DNM3: variants seen among roughly 807,000 people sequenced by gnomAD.
The protein encoded by DNM3 is dynamin-3.
In DNM3, 47 loss-of-function variants were observed where a neutral mutation model predicts 101.6. The ratio of observed to expected loss-of-function variants is 0.46; its 90% CI spans 0.37 to 0.59. The LOEUF (loss-of-function observed/expected upper bound fraction) is 0.59, where lower values mean the gene tolerates loss of function less well. DNM3 is among the 20% of genes least tolerant of loss of function. DNM3 has a pLI of 0.00. For missense variants in DNM3, 849 were observed against 1,085.7 expected (o/e 0.78, Z 3.06); for synonymous variants, 385 against 387.9 (o/e 0.99, Z 0.09).
At chr1:172,250,388 A>G (rs2062122549) in intron 14 of DNM3, among the ~76,000 whole-genome samples, 2 of 152,176 alleles carry the variant, frequency 1.3e-5, no homozygotes, top group South Asian at 4.1e-4. Flanking sequence ...GGATTGAGCC[A>G]ATTTGTAAGT....
chr1:172,384,141 T>C (rs1427557991), intron 18 of DNM3, among the ~76,000 whole-genome samples: 1 of 152,164 alleles, frequency 6.6e-6, no homozygotes. Context: ...GAAGTCCCCC[T>C]ACCTTCATTC....
At chr1:172,279,614 T>C (rs1030520767) in intron 15 of DNM3, among the ~76,000 whole-genome samples, 1 of 152,146 alleles carries the variant, frequency 6.6e-6, no homozygotes, top group African/African-American at 2.4e-5. Context: ...AATTAAACTC[T>C]TGGTCTTTCC....
At chr1:171,916,131 C>A (rs2039690135) in intron 1 of DNM3, among the ~76,000 whole-genome samples, 1 of 152,148 alleles carries the variant, frequency 6.6e-6, no homozygotes, top group Non-Finnish European at 1.5e-5. Flanking sequence ...TCCCCCATTT[C>A]TTTTACAATG....
intron 2 of DNM3, among the ~76,000 whole-genome samples, chr1:171,963,175 G>A (rs182039824): frequency 6.2e-4 from 95 of 152,212 alleles, no homozygotes; most frequent in African/African-American, 1.7e-3. Context: ...ATAAACTATG[G>A]TATACCCGGA....
At chr1:172,301,086 A>G (rs2586416) in intron 15 of DNM3, among the ~76,000 whole-genome samples, 96,733 of 152,144 alleles carry the variant, frequency 0.64, 33,098 homozygotes, top group African/African-American at 0.91. Context: ...AGGCATAAAT[A>G]AGCACAACTT....
intron 14 of DNM3, among the ~76,000 whole-genome samples, chr1:172,233,888 T>A (rs892000446): frequency 6.6e-6 from 1 of 152,192 alleles, no homozygotes; most frequent in Non-Finnish European, 1.5e-5. Flanking sequence ...ATGGGACGTA[T>A]CTCAAAATAA....
intron 14 of DNM3, among the ~76,000 whole-genome samples, chr1:172,190,267 G>T (rs1260672540): frequency 1.3e-5 from 2 of 152,010 alleles, no homozygotes; most frequent in African/African-American, 4.8e-5. Flanking sequence ...GCGGTGTTTG[G>T]TTTTCTGTCC....
intron 14 of DNM3, among the ~76,000 whole-genome samples, chr1:172,247,670 T>TATTTA (rs2062010094): frequency 2.0e-5 from 3 of 150,564 alleles, no homozygotes; most frequent in African/African-American, 4.9e-5. Flanking sequence ...TTTATTTATT[T>TATTTA]ATTTATTTAT....
rs2056504208 is a variant in DNM3, at chr1:172,124,399, C to CTGCAAAT, written c.1546-6775_1546-6774insGCAAATT. On this transcript the variant is annotated intron_variant, in intron 13 of 20. Coordinates refer to ENST00000627582, the MANE Select transcript of DNM3 (RefSeq NM_015569.5). ...ATTCAGGAATTTGCAGGGACCACAGCTCCAGTTACCCACCAGGATATTTTT... is the reference window on the plus strand; with the variant it reads ...ATTCAGGAATTTGCAGGGACCACAGCTGCAAATTCCAGTTACCCACCAGGATATTTTT... 3.3e-5 allele frequency among the ~76,000 whole-genome samples: 5 copies of CTGCAAAT among 152,224 alleles called. 1 individual carries two copies. The highest frequency in any genetic ancestry group is 3.3e-4 in the Admixed American group (5 of 15,282).
intron 14 of DNM3, among the ~76,000 whole-genome samples, chr1:172,225,579 T>A (rs1322865889): frequency 2.0e-5 from 3 of 152,102 alleles, no homozygotes; most frequent in Non-Finnish European, 2.9e-5. Context: ...TGACCATTTT[T>A]TTTTTGCCAT....
chr1:172,313,794 T>TTATG (rs1429306597), intron 16 of DNM3, among the ~76,000 whole-genome samples: 2 of 152,026 alleles, frequency 1.3e-5, no homozygotes, highest in African/African-American at 4.8e-5. Flanking sequence ...ATTTATTTAT[T>TTATG]TACTTACTTA....
intron 4 of DNM3, among the ~76,000 whole-genome samples, chr1:172,019,856 C>T (rs2047711731): frequency 2.0e-5 from 3 of 151,824 alleles, no homozygotes; most frequent in Admixed American, 2.0e-4. Context: ...CTTATATTGC[C>T]CATCTGTTTT....
chr1:172,179,097 C>G (rs975408011), intron 14 of DNM3, among the ~76,000 whole-genome samples: 2 of 151,960 alleles, frequency 1.3e-5, no homozygotes, highest in Non-Finnish European at 2.9e-5. Context: ...GTGGAGCCTA[C>G]TTTCAGAATG....
chr1:172,169,362 C>A (rs958531082), intron 14 of DNM3, among the ~76,000 whole-genome samples: 1 of 151,912 alleles, frequency 6.6e-6, no homozygotes, highest in African/African-American at 2.4e-5. Flanking sequence ...GTGACTGCTG[C>A]TTCTCAGAAG....
At chr1:171,892,022 T>C (rs2037327828) in intron 1 of DNM3, among the ~76,000 whole-genome samples, 1 of 152,264 alleles carries the variant, frequency 6.6e-6, no homozygotes, top group South Asian at 2.1e-4. Context: ...ATTTATTCAA[T>C]AATTTATATC....
At chr1:172,320,109 A>G (rs1034488204) in intron 16 of DNM3, among the ~76,000 whole-genome samples, 46 of 151,558 alleles carry the variant, frequency 3.0e-4, no homozygotes, top group Middle Eastern at 3.4e-3. Context: ...GGAAATCACC[A>G]TTCTCAGTAA....
At chr1:171,917,224 A>G (rs191838706) in intron 1 of DNM3, among the ~76,000 whole-genome samples, 224 of 152,340 alleles carry the variant, frequency 1.5e-3, no homozygotes, top group Middle Eastern at 3.4e-3. Flanking sequence ...TATCTGGTTA[A>G]CAATCATTTA....
At chr1:172,127,471 C>T (rs954471781) in intron 13 of DNM3, among the ~76,000 whole-genome samples, 2 of 150,658 alleles carry the variant, frequency 1.3e-5, no homozygotes, top group African/African-American at 4.9e-5. Context: ...TACAGTGGTG[C>T]GATCTTGGCT....
intron 20 of DNM3, among the ~76,000 whole-genome samples, chr1:172,395,344 T>C (rs540269061): frequency 6.6e-6 from 1 of 152,162 alleles, no homozygotes; most frequent in South Asian, 2.1e-4. Context: ...CTAATTTTTG[T>C]ATTTTGAGTA....
Sources: allele counts gnomAD v4.1 joint callset (sites outside exome capture counted in the v4.1 genomes callset), GRCh38; gene constraint gnomAD v4.1.1; transcripts MANE v1.5; gene names NCBI Gene and HGNC (gene_info 2026-07-23, HGNC 2026-07-21).